DCDC1: variants seen among roughly 807,000 people sequenced by gnomAD.
The protein encoded by DCDC1 is doublecortin domain-containing protein 1.
DCDC1 carries 200 observed loss-of-function variants against 178.3 expected under a neutral mutation model. The observed-to-expected ratio is 1.12, with a 90% CI of 1.00 to 1.26. The LOEUF (loss-of-function observed/expected upper bound fraction) is 1.26, where lower values mean the gene tolerates loss of function less well. Ranked by LOEUF, DCDC1 falls within the 50% of genes most tolerant of loss-of-function variation. The pLI, the probability that DCDC1 is intolerant of heterozygous loss-of-function variation, is 0.00. For missense variants in DCDC1, 1,983 were observed against 1,749.2 expected (o/e 1.13, Z -2.38); for synonymous variants, 690 against 604.8 (o/e 1.14, Z -2.07).
chr11:31,050,541 C>G (rs1004684877), intron 20 of DCDC1, among the ~76,000 whole-genome samples: 1 of 152,176 alleles, frequency 6.6e-6, no homozygotes, highest in African/African-American at 2.4e-5. Context: ...TGGCAGGAGG[C>G]CAACCAGCAC....
At chr11:31,205,538 TC>T (rs1971765410) in intron 9 of DCDC1, among the ~76,000 whole-genome samples, 1 of 152,210 alleles carries the variant, frequency 6.6e-6, no homozygotes, top group African/African-American at 2.4e-5. Flanking sequence ...TAAGTACAAT[TC>T]TTATTCTTTT....
intron 9 of DCDC1, among the ~76,000 whole-genome samples, chr11:31,220,724 C>CT (rs978515597): frequency 6.6e-6 from 1 of 152,202 alleles, no homozygotes; most frequent in Non-Finnish European, 1.5e-5. Flanking sequence ...CAAGAAGACT[C>CT]TATTAGTCAG....
intron 1 of DCDC1, among the ~76,000 whole-genome samples, chr11:31,359,673 A>G (rs1267056529): frequency 2.6e-5 from 4 of 152,176 alleles, no homozygotes; most frequent in African/African-American, 9.7e-5. Context: ...ACTGGATCAC[A>G]AAGTTCTGAA....
chr11:31,281,065 T>C (rs1565542789), intron 7 of DCDC1: 1 of 469,072 alleles, frequency 2.1e-6, no homozygotes, highest in East Asian at 5.2e-5. Context: ...TTTCACTTTC[T>C]AATTGTCACT....
chr11:30,932,923 AAAG>A (rs1214731745), intron 21 of DCDC1, among the ~76,000 whole-genome samples: 1 of 152,008 alleles, frequency 6.6e-6, no homozygotes, highest in Non-Finnish European at 1.5e-5. Flanking sequence ...CTTGTGTGTG[AAAG>A]AAGAGTAAAT....
chr11:30,969,098 G>A (rs752350956), intron 20 of DCDC1, among the ~76,000 whole-genome samples: 20 of 152,066 alleles, frequency 1.3e-4, no homozygotes, highest in Non-Finnish European at 1.5e-4. Context: ...AAAACAAAGA[G>A]TTGATATGTT....
chr11:31,143,389 G>A (rs1461547561), intron 9 of DCDC1, among the ~76,000 whole-genome samples: 1 of 151,968 alleles, frequency 6.6e-6, no homozygotes, highest in African/African-American at 2.4e-5. Flanking sequence ...AGAGGGAGGG[G>A]AGAAGACAAG....
At chr11:31,206,965 G>C (rs993669303) in intron 9 of DCDC1, among the ~76,000 whole-genome samples, 1 of 152,110 alleles carries the variant, frequency 6.6e-6, no homozygotes, top group Non-Finnish European at 1.5e-5. Flanking sequence ...CTTTGAAATA[G>C]AAACAGGGAT....
intron 20 of DCDC1, among the ~76,000 whole-genome samples, chr11:31,021,052 T>C (rs935344632): frequency 2.0e-5 from 3 of 152,216 alleles, no homozygotes; most frequent in Non-Finnish European, 2.9e-5. Context: ...ATCTTGCCAA[T>C]TGGCAAAGGT....
At chr11:30,992,304 G>A (rs1181675042) in intron 20 of DCDC1, among the ~76,000 whole-genome samples, 1 of 152,110 alleles carries the variant, frequency 6.6e-6, no homozygotes, top group Admixed American at 6.6e-5. Context: ...ATGTAGCTGA[G>A]GGTTAACCCC....
chr11:31,021,486 T>C (rs1444328687), intron 20 of DCDC1, among the ~76,000 whole-genome samples: 1 of 152,094 alleles, frequency 6.6e-6, no homozygotes, highest in Non-Finnish European at 1.5e-5. Flanking sequence ...AAACAGTATA[T>C]GCAATATTAC....
chr11:31,025,653 T>C (rs1590800046), intron 20 of DCDC1, among the ~76,000 whole-genome samples: 1 of 151,908 alleles, frequency 6.6e-6, no homozygotes. Flanking sequence ...TGCCAGGTGA[T>C]ACATTTTATA....
chr11:31,161,998 A>C (rs1966352642), intron 9 of DCDC1, among the ~76,000 whole-genome samples: 1 of 152,204 alleles, frequency 6.6e-6, no homozygotes, highest in South Asian at 2.1e-4. Context: ...ATTAATCTAA[A>C]TGAAATAGTT....
chr11:31,367,169 T>G (rs192924119), intron 1 of DCDC1, among the ~76,000 whole-genome samples: 5 of 152,226 alleles, frequency 3.3e-5, no homozygotes, highest in African/African-American at 1.2e-4. Flanking sequence ...CATAGTGGCA[T>G]GCACCTGTGG....
At chr11:31,287,049 G>A (rs887854911) in intron 7 of DCDC1, among the ~76,000 whole-genome samples, 7 of 151,858 alleles carry the variant, frequency 4.6e-5, no homozygotes, top group South Asian at 2.1e-4. Flanking sequence ...AACACTCTCC[G>A]GTGAAATCCA....
chr11:30,945,622 G>T (rs1226795001), intron 21 of DCDC1, among the ~76,000 whole-genome samples: 1 of 151,958 alleles, frequency 6.6e-6, no homozygotes, highest in African/African-American at 2.4e-5. Context: ...GAACCCAGGA[G>T]GCAGAGGTTG....
intron 20 of DCDC1, among the ~76,000 whole-genome samples, chr11:30,979,498 A>G (rs993158230): frequency 6.6e-6 from 1 of 152,204 alleles, no homozygotes; most frequent in African/African-American, 2.4e-5. Context: ...TCTATGTTTT[A>G]CTTCTCATTA....
At position 30,925,333 on chromosome 11, in the gene DCDC1, T is replaced by G; in HGVS notation, c.2973A>C (p.Leu991Phe). Residue 991 changes from leucine to phenylalanine, a missense_variant, in exon 23 of 39, where the codon TTA becomes TTC. Leu to Phe is a conservative substitution (Grantham distance 22, BLOSUM62 0). Coordinates refer to ENST00000684477, the MANE Select transcript of DCDC1 (RefSeq NM_001387274.1). ...YNEKGKEIFA[L>F]KDLQRDELVY... is the part of the protein sequence containing the mutation. ...CCAGTTCATCTCTTTGCAGGTCTTTTAAGGCAAATATTTCCTTCCCCTTTT... is the reference window on the plus strand; with the variant it reads ...CCAGTTCATCTCTTTGCAGGTCTTTGAAGGCAAATATTTCCTTCCCCTTTT... 6.2e-7 allele frequency: 1 copy of G among 1,613,824 alleles called. No homozygotes were observed. Among genetic ancestry groups the G allele is most frequent in the Non-Finnish European group, 8.5e-7 (1 of 1,179,796 alleles).
intron 17 of DCDC1, among the ~76,000 whole-genome samples, chr11:31,083,576 G>A (rs752108514): frequency 6.6e-6 from 1 of 152,124 alleles, no homozygotes; most frequent in African/African-American, 2.4e-5. Context: ...TTCCTGATGG[G>A]TGTCATGACA....
Sources: allele counts gnomAD v4.1 joint callset (sites outside exome capture counted in the v4.1 genomes callset), GRCh38; gene constraint gnomAD v4.1.1; transcripts MANE v1.5; gene names NCBI Gene and HGNC (gene_info 2026-07-23, HGNC 2026-07-21).